PARP8: variants seen among roughly 807,000 people sequenced by gnomAD.
PARP8 encodes the protein poly(ADP-ribose) polymerase family member 8, also known as protein mono-ADP-ribosyltransferase PARP8.
Under a neutral mutation model 124.1 loss-of-function variants are expected in PARP8, and 51 were observed. The ratio of observed to expected loss-of-function variants is 0.41; its 90% CI spans 0.33 to 0.52. The LOEUF (loss-of-function observed/expected upper bound fraction) is 0.52. Ranked by LOEUF, PARP8 falls within the 20% of genes least tolerant of loss-of-function variation. The probability of loss-of-function intolerance (pLI) is 0.21; values close to 1 mark genes in which losing one functional copy is unlikely to be tolerated. For synonymous variants in PARP8, 391 were observed against 361.5 expected, an observed-to-expected ratio of 1.08 and a Z score of -0.93; for missense variants, 860 against 1,018.9, an observed-to-expected ratio of 0.84 and a Z score of 2.12.
At chr5:50,788,307 A>G (rs1741529072) in intron 9 of PARP8, among the ~76,000 whole-genome samples, 1 of 148,406 alleles carries the variant, frequency 6.7e-6, no homozygotes, top group Non-Finnish European at 1.5e-5. Context: ...AATGTATACA[A>G]TATAATGTAT....
intron 2 of PARP8, among the ~76,000 whole-genome samples, chr5:50,687,566 C>T (rs1752007088): frequency 6.6e-6 from 1 of 152,174 alleles, no homozygotes; most frequent in Non-Finnish European, 1.5e-5. Flanking sequence ...AGTCTGTTTT[C>T]ACACTGTTGA....
chr5:50,724,892 A>G (rs1756262684), intron 2 of PARP8, among the ~76,000 whole-genome samples: 1 of 150,974 alleles, frequency 6.6e-6, no homozygotes, highest in Admixed American at 6.6e-5. Flanking sequence ...CCATTATATC[A>G]CTCTGTTTGC....
chr5:50,758,157 A>G (rs1219647768), intron 3 of PARP8, among the ~76,000 whole-genome samples: 2 of 152,184 alleles, frequency 1.3e-5, no homozygotes, highest in Admixed American at 6.6e-5. Flanking sequence ...ATAAGTGATC[A>G]AAGTCTCAAC....
At chr5:50,686,362 G>T (rs550703462) in intron 2 of PARP8, among the ~76,000 whole-genome samples, 1 of 152,224 alleles carries the variant, frequency 6.6e-6, no homozygotes, top group Non-Finnish European at 1.5e-5. Context: ...GGTTCCCATG[G>T]TCTTGGGCAG....
Position 50,822,377 on chromosome 5 carries a change from A to C in PARP8, c.1837A>C (p.Thr613Pro). The C allele has an allele frequency of 6.2e-7, 1 of 1,611,154 alleles. No homozygotes were observed. Among genetic ancestry groups the C allele is most frequent in the Non-Finnish European group, 8.5e-7 (1 of 1,177,520 alleles). Residue 613 changes from threonine to proline, a missense_variant, in exon 17 of 26, where the codon ACT becomes CCT. Thr to Pro is a conservative substitution (Grantham distance 38, BLOSUM62 -1). Around this residue, in one of 2 missense-constraint regions of PARP8, gnomAD observed 343 missense variants for 474.7 expected, o/e 0.72. Coordinates refer to ENST00000281631, the MANE Select transcript of PARP8 (RefSeq NM_024615.4). Reference protein sequence around the residue: ...DRVMKALDSITSIREMTQAPY... With the variant: ...DRVMKALDSIPSIREMTQAPY... ...AGTAATGAAAGCACTGGATAGCATAACTTCTATCAGAGAAATGACACAAGT... is the reference window on the plus strand; with the variant it reads ...AGTAATGAAAGCACTGGATAGCATACCTTCTATCAGAGAAATGACACAAGT...
At chr5:50,739,732 ATT>A (rs1230937798) in intron 2 of PARP8, among the ~76,000 whole-genome samples, 1,037 of 43,970 alleles carry the variant, frequency 0.024, 7 homozygotes, top group East Asian at 0.11. Context: ...ATATATATAT[ATT>A]TTTTTTTTTT....
chr5:50,702,064 A>G (rs1269187190), intron 2 of PARP8, among the ~76,000 whole-genome samples: 1 of 152,146 alleles, frequency 6.6e-6, no homozygotes, highest in Non-Finnish European at 1.5e-5. Flanking sequence ...CAGAAATGTA[A>G]TTTAAAAACT....
intron 3 of PARP8, among the ~76,000 whole-genome samples, chr5:50,756,029 T>C (rs1325935497): frequency 6.6e-6 from 1 of 152,178 alleles, no homozygotes; most frequent in Non-Finnish European, 1.5e-5. Flanking sequence ...GTGCATTGAT[T>C]TTGTATCCTG....
chr5:50,835,188 T>G (rs752466098), intron 25 of PARP8, among the ~76,000 whole-genome samples, 173 bp downstream of exon 25: 6 of 152,184 alleles, frequency 3.9e-5, no homozygotes, highest in African/African-American at 9.7e-5. Context: ...TCTAAATAAT[T>G]TTTAAATGCT....
At chr5:50,766,658 AATTGTGACTGTTCT>A (rs1235624927) in intron 7 of PARP8, among the ~76,000 whole-genome samples, 10 of 151,072 alleles carry the variant, frequency 6.6e-5, no homozygotes, top group East Asian at 1.9e-4. Context: ...AAGCTTCTAA[AATTGTGACTGTTCT>A]ATTGTGACTG....
At chr5:50,722,271 T>A (rs1391868672) in intron 2 of PARP8, among the ~76,000 whole-genome samples, 1 of 152,110 alleles carries the variant, frequency 6.6e-6, no homozygotes, top group Non-Finnish European at 1.5e-5. Context: ...AAAGAGTTTT[T>A]CAAGTAAATA....
chr5:50,765,778 T>G (rs1760996846), intron 7 of PARP8, among the ~76,000 whole-genome samples: 1 of 152,218 alleles, frequency 6.6e-6, no homozygotes, highest in Non-Finnish European at 1.5e-5. Context: ...ACTGTCTAGT[T>G]TCAAATACTT....
intron 2 of PARP8, among the ~76,000 whole-genome samples, chr5:50,694,592 C>A (rs981828184): frequency 3.3e-5 from 5 of 152,128 alleles, no homozygotes; most frequent in African/African-American, 1.2e-4. Context: ...ATGAGCCTGA[C>A]AGTGCACATT....
chr5:50,700,766 C>T (rs548350067), intron 2 of PARP8, among the ~76,000 whole-genome samples: 5 of 152,052 alleles, frequency 3.3e-5, no homozygotes, highest in African/African-American at 7.2e-5. Flanking sequence ...TTTCTTCCTG[C>T]GAATACAATG....
In PARP8 at chr5:50,778,595, A is replaced by C. The variant is rs1402078406; in HGVS notation, c.615A>C (p.Thr205=). The C allele has an allele frequency of 1.2e-6, 2 of 1,610,184 alleles. No individual in the cohort carries two copies. Among genetic ancestry groups the C allele is most frequent in the South Asian group, 2.2e-5 (2 of 89,834 alleles). ...EIAVAWEVIR[T]EPIIVRLHCS... ...CTGTGGCTTGGGAAGTAATTCGAAC[A>C]GAACCTATAATTGTTCGACTACACT... Residue 205 remains threonine (T), a synonymous_variant, in exon 9 of 26, where the codon ACA becomes ACC. Coordinates refer to ENST00000281631, the MANE Select transcript of PARP8 (RefSeq NM_024615.4).
At chr5:50,703,294 T>A (rs1402707412) in intron 2 of PARP8, among the ~76,000 whole-genome samples, 1 of 134,992 alleles carries the variant, frequency 7.4e-6, no homozygotes, top group Non-Finnish European at 1.6e-5. Context: ...AGTGAGACCG[T>A]GTCTCAAAAA....
intron 2 of PARP8, among the ~76,000 whole-genome samples, chr5:50,683,159 C>T (rs1751480011): frequency 6.6e-6 from 1 of 152,130 alleles, no homozygotes; most frequent in Admixed American, 6.5e-5. Context: ...AGCCCTCTAC[C>T]TAGGAAATGA....
chr5:50,831,164 A>G (rs1746926282), intron 22 of PARP8, among the ~76,000 whole-genome samples: 1 of 152,224 alleles, frequency 6.6e-6, no homozygotes, highest in Non-Finnish European at 1.5e-5. Flanking sequence ...TTGCATGTTA[A>G]CAAAAAAAGA....
At chr5:50,779,148 T>C (rs1398742708) in intron 9 of PARP8, among the ~76,000 whole-genome samples, 2 of 152,030 alleles carry the variant, frequency 1.3e-5, no homozygotes, top group East Asian at 1.9e-4. Flanking sequence ...AAAATTTACT[T>C]GGTAAAATGT....
Sources: gnomAD v4.1 joint callset for allele counts (sites outside exome capture counted in the v4.1 genomes callset) on GRCh38, gnomAD v4.1.1 for gene constraint, gnomAD v4.1.1 regional missense constraint, MANE v1.5 for transcripts, NCBI Gene and HGNC (gene_info 2026-07-23, HGNC 2026-07-21) for gene names.